CDK14: variants seen among roughly 807,000 people sequenced by gnomAD.
CDK14 encodes cyclin-dependent kinase 14.
In CDK14, 34 loss-of-function variants were observed where a neutral mutation model predicts 60.7. That is an observed-to-expected ratio of 0.56 (90% CI 0.43 to 0.75). The LOEUF (loss-of-function observed/expected upper bound fraction) is 0.75, where lower values mean the gene tolerates loss of function less well. Ranked by LOEUF, CDK14 falls within the 30% of genes least tolerant of loss-of-function variation. The pLI, the probability that CDK14 is intolerant of heterozygous loss-of-function variation, is 0.00. For missense variants in CDK14, 482 were observed against 564.1 expected, an observed-to-expected ratio of 0.85 and a Z score of 1.47; for synonymous variants, 197 against 203.7, an observed-to-expected ratio of 0.97 and a Z score of 0.28.
At chr7:90,792,314 T>C (rs1053028043) in intron 5 of CDK14, among the ~76,000 whole-genome samples, 11 of 152,122 alleles carry the variant, frequency 7.2e-5, no homozygotes, top group African/African-American at 2.7e-4. Flanking sequence ...AGCTAAGACC[T>C]TGTCTTCATC....
intron 14 of CDK14, among the ~76,000 whole-genome samples, chr7:91,152,329 A>G (rs1800850480): frequency 6.6e-6 from 1 of 152,222 alleles, no homozygotes; most frequent in Non-Finnish European, 1.5e-5. Flanking sequence ...AGAAATTACT[A>G]TGATGGGTAA....
At position 90,778,898 on chromosome 7, in the gene CDK14, T is replaced by TCCTTCCTTCCTTCCTTCCTTC. The variant is rs77350633; in HGVS notation, c.465-11674_465-11673insCTTCCTTCCTTCCTTCCTTCC. 5.6e-4 allele frequency among the ~76,000 whole-genome samples: 70 copies of TCCTTCCTTCCTTCCTTCCTTC among 125,186 alleles called. 2 individuals are homozygous for TCCTTCCTTCCTTCCTTCCTTC. Among genetic ancestry groups the TCCTTCCTTCCTTCCTTCCTTC allele is most frequent in the East Asian group, 1.2e-3 (5 of 4,010 alleles). 82.1% of individuals were successfully genotyped at this position (125,186 alleles called of 152,430 possible). On this transcript the variant is annotated intron_variant, in intron 4 of 14. Coordinates refer to ENST00000380050, the MANE Select transcript of CDK14 (RefSeq NM_001287135.2). ...TTCCTTCCTTCCTTCCTTCCTTCCT[T>TCCTTCCTTCCTTCCTTCCTTC]CTTTTCTCTCTCCTCTCTCTTTTCT...
At chr7:90,781,044 C>T (rs1805296142) in intron 4 of CDK14, among the ~76,000 whole-genome samples, 2 of 152,114 alleles carry the variant, frequency 1.3e-5, no homozygotes, top group South Asian at 4.2e-4. Flanking sequence ...TCCTATTTCC[C>T]CACATCCTCT....
chr7:90,651,554 C>G (rs1019352988), intron 2 of CDK14, among the ~76,000 whole-genome samples: 36 of 152,086 alleles, frequency 2.4e-4, no homozygotes, highest in African/African-American at 8.5e-4. Context: ...TAAATTCCTT[C>G]CATTTAAAAT....
chr7:90,601,334 C>T (rs1168400755), intron 1 of CDK14, among the ~76,000 whole-genome samples: 1 of 152,164 alleles, frequency 6.6e-6, no homozygotes, highest in African/African-American at 2.4e-5. Context: ...CATCAGTGAC[C>T]TGATGAACAT....
chr7:91,126,029 C>T (rs1341151917), intron 14 of CDK14, among the ~76,000 whole-genome samples: 11 of 152,086 alleles, frequency 7.2e-5, no homozygotes, highest in Admixed American at 7.2e-4. Flanking sequence ...TTATTACATA[C>T]AATGGTATAA....
chr7:91,142,845 C>T (rs1800509100), intron 14 of CDK14, among the ~76,000 whole-genome samples: 1 of 152,146 alleles, frequency 6.6e-6, no homozygotes, highest in South Asian at 2.1e-4. Flanking sequence ...AGTGACCCAA[C>T]TGATTGAGAA....
chr7:91,060,627 T>C (rs1481165975), intron 11 of CDK14, among the ~76,000 whole-genome samples: 1 of 152,226 alleles, frequency 6.6e-6, no homozygotes, highest in East Asian at 1.9e-4. Flanking sequence ...TTTGCCTTTC[T>C]GTAAAGTATT....
At chr7:90,699,576 T>C (rs979886646) in intron 2 of CDK14, among the ~76,000 whole-genome samples, 4 of 152,222 alleles carry the variant, frequency 2.6e-5, no homozygotes, top group Non-Finnish European at 2.9e-5. Flanking sequence ...TTGAAGTTAG[T>C]GCCCCAGTGC....
chr7:90,622,047 T>G (rs1388214573), intron 2 of CDK14, among the ~76,000 whole-genome samples: 1 of 152,244 alleles, frequency 6.6e-6, no homozygotes, highest in Non-Finnish European at 1.5e-5. Flanking sequence ...ACTTTTAAGT[T>G]GCAAATTAAT....
intron 2 of CDK14, chr7:90,709,862 A>T (rs1459863099): frequency 6.5e-6 from 9 of 1,375,044 alleles, no homozygotes; most frequent in Non-Finnish European, 7.6e-6. Context: ...ATGTGAATTC[A>T]GTTGCTGTAT....
chr7:90,822,466 A>G (rs942594034), intron 5 of CDK14, among the ~76,000 whole-genome samples: 30 of 152,104 alleles, frequency 2.0e-4, no homozygotes, highest in Admixed American at 1.5e-3. Flanking sequence ...TGCTGGGACC[A>G]TTGCAGACTT....
At chr7:90,964,538 C>T (rs1327466659) in intron 9 of CDK14, among the ~76,000 whole-genome samples, 1 of 152,142 alleles carries the variant, frequency 6.6e-6, no homozygotes, top group African/African-American at 2.4e-5. Context: ...AATAGAAAAA[C>T]AGTGATCTTC....
intron 10 of CDK14, among the ~76,000 whole-genome samples, chr7:91,008,415 T>C (rs1391442218): frequency 1.3e-5 from 2 of 152,156 alleles, no homozygotes; most frequent in East Asian, 1.9e-4. Context: ...ATGTAAACTT[T>C]CTTAAATTCA....
intron 5 of CDK14, among the ~76,000 whole-genome samples, chr7:90,834,329 G>T (rs568087617): frequency 6.6e-6 from 1 of 152,114 alleles, no homozygotes; most frequent in Non-Finnish European, 1.5e-5. Context: ...CATTTGTTTT[G>T]TTAAAACAAT....
At chr7:90,976,106 A>G (rs1399934836) in intron 9 of CDK14, among the ~76,000 whole-genome samples, 1 of 152,126 alleles carries the variant, frequency 6.6e-6, no homozygotes, top group African/African-American at 2.4e-5. Flanking sequence ...TTTTTTGAGA[A>G]ACCTCCATAC....
chr7:90,733,343 C>T (rs534114936), intron 3 of CDK14, among the ~76,000 whole-genome samples: 75 of 152,224 alleles, frequency 4.9e-4, no homozygotes, highest in African/African-American at 1.7e-3. Context: ...CTGTAGATAT[C>T]ATTTAGGTCT....
chr7:90,872,383 A>T (rs1261765894), intron 6 of CDK14, among the ~76,000 whole-genome samples: 1 of 152,216 alleles, frequency 6.6e-6, no homozygotes, highest in Non-Finnish European at 1.5e-5. Flanking sequence ...ATGCGAACAG[A>T]TGTAAACATT....
At chr7:91,094,401 A>G (rs1450845884) in intron 12 of CDK14, among the ~76,000 whole-genome samples, 1 of 152,146 alleles carries the variant, frequency 6.6e-6, no homozygotes, top group Non-Finnish European at 1.5e-5. Flanking sequence ...TTAATTTTTT[A>G]CAAGTGTAGC....
Sources: gnomAD v4.1 joint callset for allele counts (sites outside exome capture counted in the v4.1 genomes callset) on GRCh38, gnomAD v4.1.1 for gene constraint, MANE v1.5 for transcripts, NCBI Gene and HGNC (gene_info 2026-07-23, HGNC 2026-07-21) for gene names.